FBXL7: variants seen among roughly 807,000 people sequenced by gnomAD.
FBXL7 encodes F-box and leucine rich repeat protein 7.
FBXL7 carries 12 observed loss-of-function variants against 38.3 expected under a neutral mutation model. The observed-to-expected ratio is 0.31, with a 90% CI of 0.20 to 0.51. The LOEUF is 0.51. FBXL7 is among the 20% of genes least tolerant of loss of function. FBXL7 has a pLI of 0.98. For synonymous variants in FBXL7, 297 were observed against 300.9 expected (o/e 0.99, Z 0.13); for missense variants, 567 against 676.4 (o/e 0.84, Z 1.79).
At position 15,852,684 on chromosome 5, in the gene FBXL7, GA is replaced by G. The variant is rs1317717303; in HGVS notation, c.128-75194del. Among the ~76,000 whole-genome samples the G allele has an allele frequency of 5.7e-3, 812 of 141,992 alleles. 7 individuals carry two copies. Among genetic ancestry groups the G allele is most frequent in the East Asian group, 0.01 (50 of 4,920 alleles). 93.2% of individuals were successfully genotyped at this position (141,992 alleles called of 152,430 possible). ...GAATCATCTGAAATAGTTTCCCCTGGAAAAAAAAAAAACATGGCCATATATG... is the reference window on the plus strand; with the variant it reads ...GAATCATCTGAAATAGTTTCCCCTGGAAAAAAAAAAACATGGCCATATATG... On this transcript the variant is annotated intron_variant, in intron 2 of 3. Coordinates refer to ENST00000504595, the MANE Select transcript of FBXL7 (RefSeq NM_012304.5).
intron 2 of FBXL7, among the ~76,000 whole-genome samples, chr5:15,816,279 A>G (rs1293216275): frequency 6.6e-6 from 1 of 152,076 alleles, no homozygotes; most frequent in Non-Finnish European, 1.5e-5. Flanking sequence ...GTATATATAT[A>G]TATATATGTG....
chr5:15,749,849 A>C (rs1736111217), intron 2 of FBXL7, among the ~76,000 whole-genome samples: 1 of 152,180 alleles, frequency 6.6e-6, no homozygotes, highest in African/African-American at 2.4e-5. Flanking sequence ...GGCCTTGAAG[A>C]GCCCAGGAGA....
chr5:15,906,385 T>A (rs561843793), intron 2 of FBXL7, among the ~76,000 whole-genome samples: 23 of 151,994 alleles, frequency 1.5e-4, no homozygotes, highest in African/African-American at 5.5e-4. Flanking sequence ...TTGCAGAGTT[T>A]ATGATAGGTC....
chr5:15,710,849 T>G (rs1743841544), intron 2 of FBXL7, among the ~76,000 whole-genome samples: 1 of 152,156 alleles, frequency 6.6e-6, no homozygotes, highest in Non-Finnish European at 1.5e-5. Context: ...CTTCTCTCTC[T>G]CTAAAACCTG....
At chr5:15,818,238 G>C (rs1738073033) in intron 2 of FBXL7, among the ~76,000 whole-genome samples, 1 of 152,124 alleles carries the variant, frequency 6.6e-6, no homozygotes, top group African/African-American at 2.4e-5. Flanking sequence ...AGAGAAATAA[G>C]AACCTGTAGA....
At chr5:15,508,627 A>G (rs981012127) in intron 1 of FBXL7, among the ~76,000 whole-genome samples, 3 of 152,162 alleles carry the variant, frequency 2.0e-5, no homozygotes, top group Non-Finnish European at 2.9e-5. Flanking sequence ...TTCCCTAGGA[A>G]ACATTCTATC....
At chr5:15,823,989 C>T (rs911561301) in intron 2 of FBXL7, among the ~76,000 whole-genome samples, 1 of 152,092 alleles carries the variant, frequency 6.6e-6, no homozygotes, top group African/African-American at 2.4e-5. Flanking sequence ...TAAACGTAAA[C>T]CATTTTAGCC....
At chr5:15,765,183 G>C (rs1413902518) in intron 2 of FBXL7, among the ~76,000 whole-genome samples, 1 of 152,028 alleles carries the variant, frequency 6.6e-6, no homozygotes, top group Non-Finnish European at 1.5e-5. Flanking sequence ...ATACGAACAG[G>C]CAGTGGCAGC....
At chr5:15,820,414 C>A (rs1019417048) in intron 2 of FBXL7, among the ~76,000 whole-genome samples, 8 of 151,968 alleles carry the variant, frequency 5.3e-5, no homozygotes, top group Non-Finnish European at 1.2e-4. Context: ...CCCTGTCTTA[C>A]CCCGCCTTTC....
chr5:15,693,475 C>T (rs75872775), intron 2 of FBXL7, among the ~76,000 whole-genome samples: 14,100 of 152,126 alleles, frequency 0.093, 802 homozygotes, highest in South Asian at 0.15. Flanking sequence ...GGCGGTGGGC[C>T]GGGAAGTGCT....
At chr5:15,842,728 GT>G (rs1466940719) in intron 2 of FBXL7, among the ~76,000 whole-genome samples, 3 of 152,128 alleles carry the variant, frequency 2.0e-5, no homozygotes, top group African/African-American at 7.2e-5. Flanking sequence ...ATATCTGATG[GT>G]TTTATAAATA....
chr5:15,702,742 G>A (rs1743567619), intron 2 of FBXL7, among the ~76,000 whole-genome samples: 1 of 152,064 alleles, frequency 6.6e-6, no homozygotes, highest in Non-Finnish European at 1.5e-5. Flanking sequence ...TTTCTTTCAT[G>A]CGCGTCCATG....
At chr5:15,810,048 T>C (rs564452014) in intron 2 of FBXL7, among the ~76,000 whole-genome samples, 1 of 152,324 alleles carries the variant, frequency 6.6e-6, no homozygotes, top group South Asian at 2.1e-4. Flanking sequence ...TTTGGTGGGG[T>C]ATTCATTTCT....
intron 2 of FBXL7, among the ~76,000 whole-genome samples, chr5:15,717,795 TG>T (rs957390779): frequency 2.6e-5 from 4 of 152,060 alleles, no homozygotes; most frequent in African/African-American, 7.2e-5. Context: ...TCTTAAAAAA[TG>T]CCAATGTCAT....
intron 2 of FBXL7, among the ~76,000 whole-genome samples, chr5:15,834,679 C>T (rs547060001): frequency 6.6e-6 from 1 of 152,332 alleles, no homozygotes; most frequent in South Asian, 2.1e-4. Flanking sequence ...TAACTGGCTT[C>T]TCTTCAAGAA....
intron 1 of FBXL7, among the ~76,000 whole-genome samples, chr5:15,611,276 T>C (rs948347469): frequency 9.2e-5 from 14 of 151,670 alleles, no homozygotes; most frequent in Non-Finnish European, 1.9e-4. Context: ...TCTCCTACTA[T>C]GCACAGTGTT....
intron 2 of FBXL7, among the ~76,000 whole-genome samples, chr5:15,785,530 C>T (rs577778840): frequency 3.3e-5 from 5 of 152,208 alleles, no homozygotes; most frequent in African/African-American, 7.2e-5. Context: ...ATAGTGCCTT[C>T]GCCCTTTCTG....
At chr5:15,917,320 T>C (rs6869037) in intron 2 of FBXL7, among the ~76,000 whole-genome samples, 8,288 of 152,204 alleles carry the variant, frequency 0.054, 748 homozygotes, top group African/African-American at 0.19. Context: ...GCCATAAATA[T>C]ATGGTGATTT....
At chr5:15,710,561 A>G (rs916282435) in intron 2 of FBXL7, among the ~76,000 whole-genome samples, 14 of 152,150 alleles carry the variant, frequency 9.2e-5, no homozygotes, top group African/African-American at 3.1e-4. Context: ...ATGATGCCGT[A>G]ATATTTTGAT....
Sources: allele counts gnomAD v4.1 joint callset (sites outside exome capture counted in the v4.1 genomes callset), GRCh38; gene constraint gnomAD v4.1.1; transcripts MANE v1.5; gene names NCBI Gene and HGNC (gene_info 2026-07-23, HGNC 2026-07-21).